The following COL13A1 variants were observed in gnomAD, a reference collection of about 807,000 sequenced individuals.
COL13A1 encodes the protein collagen type XIII alpha 1 chain.
In COL13A1, 89 loss-of-function variants were observed where a neutral mutation model predicts 130.9. The observed-to-expected ratio is 0.68, with a 90% CI of 0.57 to 0.81. COL13A1 has a LOEUF of 0.81. COL13A1 is among the 30% of genes least tolerant of loss of function. The probability of loss-of-function intolerance (pLI) is 0.00; values close to 1 mark genes in which losing one functional copy is unlikely to be tolerated. For missense variants in COL13A1, 879 were observed against 934.6 expected (o/e 0.94, Z 0.78); for synonymous variants, 402 against 341.6 (o/e 1.18, Z -1.95).
chr10:69,860,223 G>A (rs903043193), intron 2 of COL13A1, among the ~76,000 whole-genome samples: 20 of 152,330 alleles, frequency 1.3e-4, no homozygotes, highest in Non-Finnish European at 2.4e-4. Flanking sequence ...GCCTCAGGAC[G>A]AAGTGTCAGG....
chr10:69,907,417 A>C (rs1008919052), intron 17 of COL13A1, among the ~76,000 whole-genome samples: 3 of 152,200 alleles, frequency 2.0e-5, no homozygotes, highest in African/African-American at 7.2e-5. Flanking sequence ...CAAGGGGCCC[A>C]TATCTGGTGA....
At chr10:69,885,406 A>G (rs2060509834) in intron 7 of COL13A1, among the ~76,000 whole-genome samples, 1 of 152,242 alleles carries the variant, frequency 6.6e-6, no homozygotes, top group Non-Finnish European at 1.5e-5. Flanking sequence ...ACCTCAGGAT[A>G]TAATTGAAGA....
At chr10:69,830,482 C>G (rs565632044) in intron 2 of COL13A1, among the ~76,000 whole-genome samples, 1 of 152,060 alleles carries the variant, frequency 6.6e-6, no homozygotes, top group Non-Finnish European at 1.5e-5. Flanking sequence ...AAAAAGCAAA[C>G]GACAAGAGAA....
At chr10:69,889,872 C>T (rs565766549) in intron 10 of COL13A1, among the ~76,000 whole-genome samples, 13 of 152,340 alleles carry the variant, frequency 8.5e-5, no homozygotes, top group Middle Eastern at 3.4e-3. Context: ...TGAGCCACCC[C>T]AGGACTCCAG....
In COL13A1 at chr10:69,932,617, T is replaced by G. The variant is rs368106607; in HGVS notation, c.1728+13T>G. ...TCCAGGAGCAGAGGTACATGAGAGA[T>G]AATTTGACAGAGACTCATCAAGCGA... On this transcript the variant is annotated intron_variant, in intron 31 of 40. Transcript: ENST00000645393. The G allele has an allele frequency of 1.9e-6, 3 of 1,582,140 alleles. No individual in the cohort carries two copies. Among genetic ancestry groups the G allele is most frequent in the African/African-American group, 2.7e-5 (2 of 74,298 alleles).
At chr10:69,840,680 G>C (rs1851360182) in intron 2 of COL13A1, among the ~76,000 whole-genome samples, 1 of 152,168 alleles carries the variant, frequency 6.6e-6, no homozygotes, top group South Asian at 2.1e-4. Flanking sequence ...ATTACCCTGA[G>C]AGGTGGTCCA....
intron 9 of COL13A1, among the ~76,000 whole-genome samples, chr10:69,888,877 C>A (rs545540932): frequency 6.6e-6 from 1 of 152,136 alleles, no homozygotes; most frequent in South Asian, 2.1e-4. Context: ...GAAAGGAGTC[C>A]CCTCCCCAGT....
chr10:69,853,836 T>A (rs1406678146), intron 2 of COL13A1, among the ~76,000 whole-genome samples: 2 of 152,162 alleles, frequency 1.3e-5, no homozygotes, highest in Non-Finnish European at 2.9e-5. Flanking sequence ...TTCTGCTCTG[T>A]GAACGTAGGT....
intron 8 of COL13A1, 129 bp from the exon 9 acceptor site, chr10:69,888,175 T>C: frequency 2.0e-6 from 2 of 983,002 alleles, no homozygotes; most frequent in Non-Finnish European, 3.1e-6. Context: ...AACAAGTACG[T>C]GGTCAAGCAG....
At chr10:69,943,974 G>T (rs577594880) in intron 35 of COL13A1, 151 bp from the exon 36 acceptor site, 1 of 634,990 alleles carries the variant, frequency 1.6e-6, no homozygotes, top group Middle Eastern at 2.7e-4. Flanking sequence ...AGAGGATCAC[G>T]GCCCAGTCGA....
intron 16 of COL13A1, among the ~76,000 whole-genome samples, chr10:69,905,358 C>G (rs2062646290): frequency 6.6e-6 from 1 of 152,200 alleles, no homozygotes; most frequent in African/African-American, 2.4e-5. Flanking sequence ...CACCCAGAAG[C>G]CCACAATGTC....
rs150441444 is a variant in COL13A1, at chr10:69,930,503, G to T, written c.1634G>T (p.Ser545Ile). The T allele has an allele frequency of 6.1e-4, 985 of 1,613,918 alleles. 1 individual carries two copies. Among genetic ancestry groups the T allele is most frequent in the Non-Finnish European group, 7.7e-4 (908 of 1,179,844 alleles). ...AAGGGAGAAAACGGGCACCCAGGGAGCCCAGGAGAGAAGGGGGAAAAAGGG... is the reference window on the plus strand; with the variant it reads ...AAGGGAGAAAACGGGCACCCAGGGATCCCAGGAGAGAAGGGGGAAAAAGGG... ...GVKGENGHPG[S>I]PGEKGEKGET... is the part of the protein sequence containing the mutation. Residue 545 changes from serine to isoleucine, a missense_variant, in exon 30 of 41, where the codon AGC (serine) becomes ATC (isoleucine). By Grantham distance (142) the Ser-to-Ile change is moderately radical. Around this residue, in one of 3 missense-constraint regions of COL13A1, gnomAD observed 715 missense variants for 721.0 expected, o/e 0.99. Transcript: ENST00000645393.
chr10:69,915,791 A>G (rs1001711203), intron 17 of COL13A1, among the ~76,000 whole-genome samples: 1 of 152,196 alleles, frequency 6.6e-6, no homozygotes, highest in African/African-American at 2.4e-5. Context: ...ACTCCAAATG[A>G]TGAATAGGGT....
At chr10:69,942,320 C>T (rs2067755908) in intron 35 of COL13A1, among the ~76,000 whole-genome samples, 1 of 152,184 alleles carries the variant, frequency 6.6e-6, no homozygotes, top group South Asian at 2.1e-4. Context: ...GAGAGCATGC[C>T]CTGGCTTCCA....
intron 1 of COL13A1, among the ~76,000 whole-genome samples, chr10:69,804,650 C>CT (rs57012318): frequency 0.2 from 27,734 of 142,214 alleles, 3,450 homozygotes; most frequent in East Asian, 0.36. Flanking sequence ...ATCCTGCCAC[C>CT]TTTTTTTTTT....
chr10:69,950,712 A>G (rs1359962984), intron 38 of COL13A1, among the ~76,000 whole-genome samples: 2 of 152,248 alleles, frequency 1.3e-5, no homozygotes, highest in Admixed American at 6.5e-5. Context: ...ATTTAAACGC[A>G]TGTCGTTTTC....
At chr10:69,815,476 C>A (rs562485994) in intron 1 of COL13A1, among the ~76,000 whole-genome samples, 6 of 152,282 alleles carry the variant, frequency 3.9e-5, no homozygotes, top group African/African-American at 1.2e-4. Flanking sequence ...GGCTTCTCTG[C>A]CGAGGGTAGC....
chr10:69,890,164 T>C (rs1405484441), intron 10 of COL13A1, among the ~76,000 whole-genome samples: 3 of 152,024 alleles, frequency 2.0e-5, no homozygotes, highest in African/African-American at 7.2e-5. Context: ...GCCCCTACCT[T>C]CTGCAGAGCT....
At chr10:69,805,405 T>C (rs1435225363) in intron 1 of COL13A1, among the ~76,000 whole-genome samples, 8 of 152,090 alleles carry the variant, frequency 5.3e-5, no homozygotes, top group Admixed American at 3.9e-4. Flanking sequence ...GTCCCACAGG[T>C]GGATGGCGTG....
Sources: allele counts gnomAD v4.1 joint callset (sites outside exome capture counted in the v4.1 genomes callset), GRCh38; gene constraint gnomAD v4.1.1; regional missense constraint gnomAD v4.1.1; transcripts MANE v1.5; gene names NCBI Gene and HGNC (gene_info 2026-07-23, HGNC 2026-07-21).